The following ZNF83 variants were observed in gnomAD, a reference collection of about 807,000 sequenced individuals.
ZNF83 encodes the protein zinc finger protein 816B.
For missense variants in ZNF83, 552 were observed against 629.9 expected (o/e 0.88, Z 1.32); for synonymous variants, 209 against 213.0 (o/e 0.98, Z 0.17).
At chr19:52,634,482 G>C (rs2061080051) in intron 2 of ZNF83, among the ~76,000 whole-genome samples, 1 of 152,062 alleles carries the variant, frequency 6.6e-6, no homozygotes, top group Admixed American at 6.6e-5. Context: ...TATTCAGGTT[G>C]ATTTCCTATT....
exon 3 of ZNF83, chr19:52,612,935 T>C: frequency 7.9e-7 from 1 of 1,261,652 alleles, no homozygotes; most frequent in Non-Finnish European, 1.1e-6. Context: ...CTACATTCAT[T>C]ATACTTGCAA....
chr19:52,670,581 G>A (rs1231512818), intron 1 of ZNF83, among the ~76,000 whole-genome samples: 2 of 152,076 alleles, frequency 1.3e-5, no homozygotes, highest in Admixed American at 6.5e-5. Context: ...TATTTGTCAT[G>A]GAAAAGAGTC....
chr19:52,638,553 C>G (rs1182120708), upstream of ZNF83, among the ~76,000 whole-genome samples: 1 of 152,146 alleles, frequency 6.6e-6, no homozygotes, highest in African/African-American at 2.4e-5. Flanking sequence ...GTTTTGGAGG[C>G]GAGACCGGCC....
intron 3 of ZNF83, among the ~76,000 whole-genome samples, chr19:52,649,254 G>A (rs1261033303): frequency 6.6e-6 from 1 of 152,186 alleles, no homozygotes; most frequent in African/African-American, 2.4e-5. Flanking sequence ...AGTTTGTGCA[G>A]TTGTCAGGAA....
chr19:52,653,078 T>C (rs981897806), intron 3 of ZNF83: 2 of 1,489,282 alleles, frequency 1.3e-6, no homozygotes, highest in African/African-American at 1.4e-5. Flanking sequence ...TTCTCTCCAG[T>C]ATGAATTGCC....
At chr19:52,628,370 A>G (rs1484200202) in intron 2 of ZNF83, among the ~76,000 whole-genome samples, 1 of 151,428 alleles carries the variant, frequency 6.6e-6, no homozygotes, top group Non-Finnish European at 1.5e-5. Flanking sequence ...CTCTTCTCCA[A>G]CCTCCCTCAC....
In ZNF83 at chr19:52,618,505, G is replaced by A. The variant is rs35017334; in HGVS notation, c.-233-3708C>T. On this transcript the variant is annotated intron_variant, in intron 2 of 2. Coordinates refer to ENST00000301096, the Ensembl canonical transcript of ZNF83. ...TCTCGATCTCCTGACCTTGTGATCC[G>A]CCCTCATCAGCCTCCCAGAGTGCTG... The A allele has an allele frequency of 0.32, 57,036 of 176,298 alleles. 10,085 individuals carry two copies. Among genetic ancestry groups the A allele is most frequent in the East Asian group, 0.54 (3,009 of 5,598 alleles). 10.9% of individuals were successfully genotyped at this position (176,298 alleles called of 1,614,324 possible).
intron 3 of ZNF83, chr19:52,655,437 A>C: frequency 1.1e-6 from 1 of 928,108 alleles, no homozygotes; most frequent in Non-Finnish European, 1.7e-6. Flanking sequence ...TCATCACTGC[A>C]GAAAACAATG....
upstream of ZNF83, among the ~76,000 whole-genome samples, chr19:52,642,456 C>G (rs1239433740): frequency 6.6e-6 from 1 of 151,464 alleles, no homozygotes; most frequent in Non-Finnish European, 1.5e-5. Context: ...TTAGTAAAGA[C>G]CGGGTATCTC....
intron 3 of ZNF83, among the ~76,000 whole-genome samples, chr19:52,647,368 A>G (rs1200287275): frequency 3.3e-5 from 5 of 152,176 alleles, no homozygotes; most frequent in Non-Finnish European, 5.9e-5. Flanking sequence ...AAGTAATCAT[A>G]TCCAATGAAC....
At chr19:52,652,544 A>C (rs1286116616) in intron 3 of ZNF83, 8 of 447,606 alleles carry the variant, frequency 1.8e-5, no homozygotes, top group Admixed American at 1.6e-4. Context: ...ACCTTGCTGC[A>C]ATCATGACAT....
chr19:52,673,764 T>C (rs1280196676), intron 1 of ZNF83, among the ~76,000 whole-genome samples: 2 of 149,646 alleles, frequency 1.3e-5, no homozygotes, highest in Non-Finnish European at 3.0e-5. Context: ...CCAGGAGCAG[T>C]GGCTCTTTGG....
chr19:52,665,378 C>T (rs1355751002), intron 1 of ZNF83, among the ~76,000 whole-genome samples: 1 of 151,904 alleles, frequency 6.6e-6, no homozygotes, highest in African/African-American at 2.4e-5. Context: ...GTAAGACCCT[C>T]TACCCCAGAG....
chr19:52,627,441 C>G (rs993865175), intron 2 of ZNF83, among the ~76,000 whole-genome samples: 1 of 152,028 alleles, frequency 6.6e-6, no homozygotes, highest in Non-Finnish European at 1.5e-5. Context: ...GTGGGTGGAT[C>G]ACCTGAGGTC....
At chr19:52,677,625 G>T (rs976120399) in intron 1 of ZNF83, among the ~76,000 whole-genome samples, 7 of 152,110 alleles carry the variant, frequency 4.6e-5, no homozygotes, top group African/African-American at 1.7e-4. Context: ...CTTGTAGATT[G>T]CAGAATTGTG....
chr19:52,617,759 C>G (rs899976512), intron 2 of ZNF83: 1 of 149,968 alleles, frequency 6.7e-6, no homozygotes, highest in Non-Finnish European at 1.5e-5. Context: ...AAAAAAAATT[C>G]CCACCCATCT....
intron 2 of ZNF83, among the ~76,000 whole-genome samples, chr19:52,628,515 C>T (rs1442033523): frequency 2.6e-5 from 4 of 152,100 alleles, no homozygotes; most frequent in Admixed American, 1.3e-4. Flanking sequence ...ACTCGGGCGC[C>T]GGTCACGGAG....
chr19:52,651,869 C>A, intron 3 of ZNF83: 1 of 163,814 alleles, frequency 6.1e-6, no homozygotes. Flanking sequence ...GCACCCTGCC[C>A]ATTCTTCTTG....
intron 1 of ZNF83, among the ~76,000 whole-genome samples, chr19:52,671,457 T>C (rs2061724114): frequency 6.6e-6 from 1 of 152,134 alleles, no homozygotes; most frequent in African/African-American, 2.4e-5. Context: ...TTTTTTTTTT[T>C]CCTTCAGACA....
Sources: allele counts gnomAD v4.1 joint callset (sites outside exome capture counted in the v4.1 genomes callset), GRCh38; gene constraint gnomAD v4.1.1; transcripts MANE v1.5; gene names NCBI Gene and HGNC (gene_info 2026-07-23, HGNC 2026-07-21).